FAM135B: variants seen among roughly 807,000 people sequenced by gnomAD.
FAM135B encodes family with sequence similarity 135 member B.
Under a neutral mutation model 127.7 loss-of-function variants are expected in FAM135B, and 43 were observed. The ratio of observed to expected loss-of-function variants is 0.34; its 90% confidence interval spans 0.26 to 0.43. The LOEUF is 0.43. Among genes scored for constraint, FAM135B ranks in the 20% least tolerant of loss-of-function variants. The probability of loss-of-function intolerance (pLI) is 1.00; values close to 1 mark genes in which losing one functional copy is unlikely to be tolerated. For synonymous variants in FAM135B, 670 were observed against 665.1 expected (o/e 1.01, Z -0.11); for missense variants, 1,558 against 1,725.6 (o/e 0.90, Z 1.72).
intron 1 of FAM135B, among the ~76,000 whole-genome samples, chr8:138,395,046 T>C (rs1832778611): frequency 6.6e-6 from 1 of 152,190 alleles, no homozygotes; most frequent in African/African-American, 2.4e-5. Context: ...CTGCACTCTG[T>C]TTAACCCAGC....
chr8:138,139,801 T>A (rs754468043), intron 17 of FAM135B, among the ~76,000 whole-genome samples: 1 of 152,160 alleles, frequency 6.6e-6, no homozygotes, highest in Non-Finnish European at 1.5e-5. Context: ...TCTCATGCGT[T>A]TAGCTAAGCT....
chr8:138,236,399 TACACACACAC>T (rs35317285), intron 7 of FAM135B, among the ~76,000 whole-genome samples: 1 of 144,694 alleles, frequency 6.9e-6, no homozygotes, highest in Non-Finnish European at 1.5e-5. Flanking sequence ...CACACACACA[TACACACACAC>T]ACACACACAC....
chr8:138,419,518 T>C (rs567088113), intron 1 of FAM135B, among the ~76,000 whole-genome samples: 61 of 152,214 alleles, frequency 4.0e-4, no homozygotes, highest in Admixed American at 5.9e-4. Flanking sequence ...CTAACAGACA[T>C]CTACAGAACA....
rs556728766 is a variant in FAM135B, at chr8:138,302,824, G to A, written c.157+8017C>T. Among the ~76,000 whole-genome samples the A allele has an allele frequency of 5.3e-5, 8 of 152,332 alleles. No individual in the cohort carries two copies. In the South Asian group the frequency reaches 6.2e-4, roughly 12 times the overall value. On this transcript the variant is annotated intron_variant, in intron 3 of 19. Coordinates refer to ENST00000395297, the MANE Select transcript of FAM135B (RefSeq NM_015912.4). ...AGCCACCAAGCTCGCTGTCAACAGC[G>A]CCTCATACACAGCAAACTGTCAAAA...
chr8:138,193,579 T>C (rs1816336495), intron 9 of FAM135B, among the ~76,000 whole-genome samples: 1 of 152,168 alleles, frequency 6.6e-6, no homozygotes, highest in African/African-American at 2.4e-5. Context: ...AAAACTAAAT[T>C]TCTGATAATT....
intron 1 of FAM135B, among the ~76,000 whole-genome samples, chr8:138,479,171 G>A (rs1158186137): frequency 6.6e-6 from 1 of 152,154 alleles, no homozygotes; most frequent in Non-Finnish European, 1.5e-5. Flanking sequence ...CCCTCTCCAG[G>A]CAGCCACCCT....
Position 138,378,719 on chromosome 8 carries a change from G to A in FAM135B, c.-19-10717C>T, listed in dbSNP as rs1249760279. Reference sequence around the variant, plus strand: ...TTCCTTCAATATAGAAATCAAAACCGGCTGTGTATGTTTGCTTTTTTTTTT... The same window carrying A: ...TTCCTTCAATATAGAAATCAAAACCAGCTGTGTATGTTTGCTTTTTTTTTT... On this transcript the variant is annotated intron_variant, in intron 1 of 19. Coordinates refer to ENST00000395297, the MANE Select transcript of FAM135B (RefSeq NM_015912.4). 4.6e-5 allele frequency among the ~76,000 whole-genome samples: 7 copies of A among 151,622 alleles called. No homozygotes were observed. The South Asian group carries it at 1.0e-3, about 23-fold the overall frequency.
chr8:138,335,176 G>A (rs1286695339), intron 2 of FAM135B, among the ~76,000 whole-genome samples: 1 of 152,110 alleles, frequency 6.6e-6, no homozygotes, highest in Non-Finnish European at 1.5e-5. Context: ...ATGACCTACA[G>A]GGCAGGATTC....
intron 3 of FAM135B, among the ~76,000 whole-genome samples, chr8:138,282,104 TA>T (rs1824310079): frequency 6.6e-6 from 1 of 152,236 alleles, no homozygotes; most frequent in Admixed American, 6.5e-5. Flanking sequence ...ATTATGTCTC[TA>T]AAACAGATTT....
At chr8:138,303,980 T>C (rs1567689) in intron 3 of FAM135B, among the ~76,000 whole-genome samples, 143,400 of 152,328 alleles carry the variant, frequency 0.94, 67,699 homozygotes, top group Non-Finnish European at 0.97. Flanking sequence ...TATACTATTT[T>C]TAGCAGCTTT....
At chr8:138,162,685 A>G (rs990096769) in intron 12 of FAM135B, among the ~76,000 whole-genome samples, 2 of 152,238 alleles carry the variant, frequency 1.3e-5, no homozygotes, top group Admixed American at 1.3e-4. Flanking sequence ...GCTTCTTCAG[A>G]AAAGGTGGGA....
chr8:138,210,700 C>T (rs1303679542), intron 7 of FAM135B, among the ~76,000 whole-genome samples: 1 of 152,094 alleles, frequency 6.6e-6, no homozygotes, highest in African/African-American at 2.4e-5. Flanking sequence ...AGGTCCCTCC[C>T]CCTAACATTG....
chr8:138,332,547 G>T (rs1828262232), intron 2 of FAM135B, among the ~76,000 whole-genome samples: 1 of 152,012 alleles, frequency 6.6e-6, no homozygotes, highest in African/African-American at 2.4e-5. Flanking sequence ...TGGTTGCAAA[G>T]ATCACACTCT....
At chr8:138,464,497 G>A (rs1837291085) in intron 1 of FAM135B, among the ~76,000 whole-genome samples, 1 of 152,174 alleles carries the variant, frequency 6.6e-6, no homozygotes, top group Admixed American at 6.5e-5. Context: ...TGGCCTCAGT[G>A]ATCTCCATAG....
chr8:138,202,550 GTCT>G (rs1297145205), intron 7 of FAM135B, among the ~76,000 whole-genome samples: 2 of 152,130 alleles, frequency 1.3e-5, no homozygotes, highest in African/African-American at 2.4e-5. Flanking sequence ...TGCCCAATTA[GTCT>G]TCGTTTTTGC....
chr8:138,316,037 T>C (rs926618992), intron 2 of FAM135B, among the ~76,000 whole-genome samples: 4 of 152,116 alleles, frequency 2.6e-5, no homozygotes, highest in Non-Finnish European at 5.9e-5. Context: ...CAGAAAAATT[T>C]AAAATAAAAA....
At chr8:138,149,616 T>C (rs1248738467) in intron 13 of FAM135B, among the ~76,000 whole-genome samples, 2 of 152,142 alleles carry the variant, frequency 1.3e-5, no homozygotes, top group African/African-American at 4.8e-5. Context: ...AATTTGACAC[T>C]CACTATTTCT....
chr8:138,340,218 C>T lies in FAM135B; in HGVS notation c.77+27689G>A, dbSNP rs574761427. 1.1e-4 allele frequency among the ~76,000 whole-genome samples: 16 copies of T among 152,240 alleles called. No individual in the cohort carries two copies. The South Asian group carries it at 3.3e-3, about 32-fold the overall frequency. On this transcript the variant is annotated intron_variant, in intron 2 of 19. Coordinates refer to ENST00000395297, the MANE Select transcript of FAM135B (RefSeq NM_015912.4). ...GAAAGCCCCATCATAATTCATGTTCCCCACTGTCACTGCTAGAGAGAGCCT... is the reference window on the plus strand; with the variant it reads ...GAAAGCCCCATCATAATTCATGTTCTCCACTGTCACTGCTAGAGAGAGCCT...
chr8:138,283,308 A>T lies in FAM135B; in HGVS notation c.158-17466T>A, dbSNP rs1669705266. ...CGAAATGAGCCGTTGGGCCATAAAA[A>T]GATGGAAAAAATGTAAATACTTATT... On this transcript the variant is annotated intron_variant, in intron 3 of 19. Transcript: ENST00000395297. Among the ~76,000 whole-genome samples, 3 of 152,212 alleles carry T rather than the reference A, an allele frequency of 2.0e-5. No individual in the cohort carries two copies. In the South Asian group the frequency reaches 6.2e-4, roughly 32 times the overall value.
Sources: gnomAD v4.1 joint callset for allele counts (sites outside exome capture counted in the v4.1 genomes callset) on GRCh38, gnomAD v4.1.1 for gene constraint, MANE v1.5 for transcripts, NCBI Gene and HGNC (gene_info 2026-07-23, HGNC 2026-07-21) for gene names.